The following EYA1 variants were observed in gnomAD, a reference collection of about 807,000 sequenced individuals.
EYA1 encodes the protein protein phosphatase EYA1.
A neutral mutation model predicts 82.0 loss-of-function variants in EYA1; 16 were observed. That is an observed-to-expected ratio of 0.20 (90% CI 0.13 to 0.30). EYA1 has a LOEUF of 0.30. EYA1 is among the 10% of genes least tolerant of loss of function. EYA1 has a pLI of 1.00. For synonymous variants in EYA1, 261 were observed against 264.4 expected, an observed-to-expected ratio of 0.99 and a Z score of 0.12; for missense variants, 633 against 730.7, an observed-to-expected ratio of 0.87 and a Z score of 1.54.
At chr8:71,444,863 C>T (rs900509460) in intron 2 of EYA1, among the ~76,000 whole-genome samples, 3 of 152,202 alleles carry the variant, frequency 2.0e-5, no homozygotes, top group South Asian at 2.1e-4. Context: ...AAATATTCCT[C>T]AAGATGGCCA....
Position 71,299,188 on chromosome 8 carries a change from A to T in EYA1, c.685T>A (p.Tyr229Asn). The stretch of plus-strand genomic sequence containing the variant: ...GCTGGATACGGTGAGCTGTTATAAT[A>T]CTGTGCGTACTGACCCTGGCCAAAA... Reference protein sequence around the residue: ...PSFGQGQYAQYYNSSPYPAHY... With the variant: ...PSFGQGQYAQNYNSSPYPAHY... Residue 229 changes from tyrosine (Y) to asparagine (N), a missense_variant, in exon 9 of 18, where the codon TAT becomes AAT. Tyr to Asn is a moderately radical substitution (Grantham distance 143, BLOSUM62 -2). Transcript: ENST00000340726. 1 of 1,614,184 alleles carries T rather than the reference A, an allele frequency of 6.2e-7. No homozygotes were observed. The highest frequency in any genetic ancestry group is 8.5e-7 in the Non-Finnish European group (1 of 1,180,004).
intron 4 of EYA1, 74 bp downstream of exon 4, chr8:71,334,023 A>G: frequency 1.0e-6 from 1 of 984,342 alleles, no homozygotes; most frequent in Non-Finnish European, 1.7e-6. Flanking sequence ...ACATATACAT[A>G]CACAGGGACA....
chr8:71,346,063 C>T (rs1276388519), intron 3 of EYA1, among the ~76,000 whole-genome samples: 3 of 151,854 alleles, frequency 2.0e-5, no homozygotes, highest in Non-Finnish European at 2.9e-5. Flanking sequence ...GGAATGTCTT[C>T]GTCACAGCTA....
chr8:71,405,446 G>A (rs1267713971), intron 2 of EYA1, among the ~76,000 whole-genome samples: 1 of 152,200 alleles, frequency 6.6e-6, no homozygotes, highest in Admixed American at 6.5e-5. Flanking sequence ...CTGGGTTCAG[G>A]TGTCTGTGCA....
At chr8:71,526,897 A>G (rs1813857979) in intron 2 of EYA1, among the ~76,000 whole-genome samples, 1 of 152,206 alleles carries the variant, frequency 6.6e-6, no homozygotes, top group Non-Finnish European at 1.5e-5. Flanking sequence ...AGAATTTGTG[A>G]ACATATTTTA....
chr8:71,230,618 C>T (rs899432198), intron 12 of EYA1, among the ~76,000 whole-genome samples: 1 of 152,176 alleles, frequency 6.6e-6, no homozygotes, highest in Non-Finnish European at 1.5e-5. Flanking sequence ...CCAGGTCTCT[C>T]CACCTCTGAA....
rs930222446 is a variant in EYA1, at chr8:71,268,640, T to C, written c.1050+1100A>G. On this transcript the variant is annotated intron_variant, in intron 11 of 17. Transcript: ENST00000340726. ...TGAGACATACTGTGTTTTACCGATA[T>C]ATTATCTCGGAACAGGAATTAAAAT... 2.0e-5 allele frequency among the ~76,000 whole-genome samples: 3 copies of C among 152,202 alleles called. No homozygotes were observed. In the South Asian group the frequency reaches 6.2e-4, roughly 32 times the overall value.
intron 2 of EYA1, among the ~76,000 whole-genome samples, chr8:71,476,816 T>G (rs1451263831): frequency 6.6e-6 from 1 of 152,100 alleles, no homozygotes; most frequent in Non-Finnish European, 1.5e-5. Context: ...GACTTCCTGA[T>G]TTCAAAATTT....
At chr8:71,322,854 C>G (rs1822736407) in intron 4 of EYA1, among the ~76,000 whole-genome samples, 1 of 152,058 alleles carries the variant, frequency 6.6e-6, no homozygotes, top group African/African-American at 2.4e-5. Context: ...GCAAGCTAAG[C>G]CTGTTTTTTC....
At chr8:71,280,751 G>A (rs1586159455) in intron 9 of EYA1, among the ~76,000 whole-genome samples, 3 of 152,086 alleles carry the variant, frequency 2.0e-5, no homozygotes, top group African/African-American at 4.8e-5. Flanking sequence ...ACTTTGTTTT[G>A]CTTTTTTTTT....
At chr8:71,468,355 T>A (rs897156185) in intron 2 of EYA1, among the ~76,000 whole-genome samples, 24 of 152,134 alleles carry the variant, frequency 1.6e-4, no homozygotes, top group African/African-American at 5.8e-4. Flanking sequence ...GCACACCAGC[T>A]TTGCAATTAC....
chr8:71,211,563 G>C lies in EYA1; in HGVS notation c.1598-307C>G, dbSNP rs1054875245. ...CAGCATTGCAATTGGGGTGGTGGGG[G>C]AAAGTACTGTTTTGCAGTGGGACTT... On this transcript the variant is annotated intron_variant, in intron 16 of 17. Transcript: ENST00000340726. Among the ~76,000 whole-genome samples, 14 of 152,168 alleles carry C rather than the reference G, an allele frequency of 9.2e-5. 1 individual carries two copies. The highest frequency in any genetic ancestry group is 8.3e-4 in the South Asian group (4 of 4,826).
intron 2 of EYA1, among the ~76,000 whole-genome samples, chr8:71,463,060 T>G (rs1808488061): frequency 6.6e-6 from 1 of 152,282 alleles, no homozygotes; most frequent in African/African-American, 2.4e-5. Flanking sequence ...CAACATATAA[T>G]TAATATCAAA....
chr8:71,298,536 G>A (rs1177379341), intron 9 of EYA1, among the ~76,000 whole-genome samples: 2 of 152,162 alleles, frequency 1.3e-5, no homozygotes, highest in South Asian at 2.1e-4. Context: ...GAGTTGTGCA[G>A]AAGCATAACA....
At chr8:71,484,165 G>A (rs964565660) in intron 2 of EYA1, among the ~76,000 whole-genome samples, 26 of 152,130 alleles carry the variant, frequency 1.7e-4, no homozygotes, top group African/African-American at 6.3e-4. Flanking sequence ...TCCCTGCAGG[G>A]GAAAGGGAAA....
At chr8:71,310,634 T>A (rs1217295080) in intron 7 of EYA1, among the ~76,000 whole-genome samples, 1 of 152,260 alleles carries the variant, frequency 6.6e-6, no homozygotes, top group Admixed American at 6.5e-5. Context: ...ATGGTGTATA[T>A]GTACCACATT....
intron 9 of EYA1, among the ~76,000 whole-genome samples, chr8:71,297,014 G>T (rs1448656017): frequency 1.3e-5 from 2 of 152,022 alleles, no homozygotes; most frequent in African/African-American, 4.8e-5. Context: ...CACAAGAAAG[G>T]CTGATCCAGA....
intron 4 of EYA1, among the ~76,000 whole-genome samples, chr8:71,329,525 C>T (rs1336921700): frequency 6.6e-6 from 1 of 152,118 alleles, no homozygotes; most frequent in East Asian, 1.9e-4. Flanking sequence ...TTCTAGGCAG[C>T]CTCAGACTTC....
At chr8:71,331,245 T>TACACACAC (rs147776263) in intron 4 of EYA1, among the ~76,000 whole-genome samples, 10 of 136,546 alleles carry the variant, frequency 7.3e-5, no homozygotes, top group African/African-American at 2.5e-4. Context: ...AATAAATAAA[T>TACACACAC]ACACACACAC....
Sources: allele counts gnomAD v4.1 joint callset (sites outside exome capture counted in the v4.1 genomes callset), GRCh38; gene constraint gnomAD v4.1.1; transcripts MANE v1.5; gene names NCBI Gene and HGNC (gene_info 2026-07-23, HGNC 2026-07-21).